DDHD2: variants seen among roughly 807,000 people sequenced by gnomAD.
DDHD2 encodes DDHD domain containing 2.
A neutral mutation model predicts 91.2 loss-of-function variants in DDHD2; 62 were observed. That is an observed-to-expected ratio of 0.68 (90% confidence interval 0.55 to 0.84). DDHD2 has a LOEUF of 0.84. Among genes scored for constraint, DDHD2 ranks in the 40% least tolerant of loss-of-function variants. The probability of loss-of-function intolerance (pLI) is 0.00; values close to 1 mark genes in which losing one functional copy is unlikely to be tolerated. For synonymous variants in DDHD2, 271 were observed against 293.9 expected, an observed-to-expected ratio of 0.92 and a Z score of 0.80; for missense variants, 740 against 846.9, an observed-to-expected ratio of 0.87 and a Z score of 1.57.
intron 6 of DDHD2, among the ~76,000 whole-genome samples, chr8:38,241,029 C>A (rs574004856): frequency 6.0e-5 from 9 of 150,244 alleles, no homozygotes; most frequent in African/African-American, 2.2e-4. Flanking sequence ...CGAGATCGGG[C>A]CACTGCACTC....
At chr8:38,242,676 A>G (rs967785424) in intron 7 of DDHD2, among the ~76,000 whole-genome samples, 7 of 152,128 alleles carry the variant, frequency 4.6e-5, no homozygotes, top group African/African-American at 1.4e-4. Flanking sequence ...AACCATTTCC[A>G]TCTTCAGATG....
At chr8:38,259,388 T>G (rs1262183961) in intron 16 of DDHD2, among the ~76,000 whole-genome samples, 1 of 138,854 alleles carries the variant, frequency 7.2e-6, no homozygotes, top group Non-Finnish European at 1.6e-5. Flanking sequence ...GCCTGGCTAG[T>G]TTTTTTTTTT....
In DDHD2 at chr8:38,237,625, A is replaced by G. The variant is rs1335392886; in HGVS notation, c.499A>G (p.Lys167Glu). Reference sequence around the variant, plus strand: ...AGAAATTATTATTTTACACAATCCAAAGGTAAAACAAAGCATTTCTCTTGT... The same window carrying G: ...AGAAATTATTATTTTACACAATCCAGAGGTAAAACAAAGCATTTCTCTTGT... ...NREIIILHNPKLMVHYQPVAG... is the reference protein window; with the variant it reads ...NREIIILHNPELMVHYQPVAG... Residue 167 changes from lysine to glutamate, a missense_variant and splice_region_variant, in exon 4 of 18, where the codon AAG becomes GAG. Coordinates refer to ENST00000397166, the MANE Select transcript of DDHD2 (RefSeq NM_015214.3). The G allele has an allele frequency of 1.3e-6, 2 of 1,517,862 alleles. No homozygotes were observed. The highest frequency in any genetic ancestry group is 1.2e-5 in the South Asian group (1 of 83,014). The allele number at this position is 1,517,862 out of a possible 1,614,324, so 94.0% of individuals were successfully genotyped here.
chr8:38,234,440 T>G lies in DDHD2; in HGVS notation c.267T>G (p.Tyr89Ter). Reference sequence around the variant, plus strand: ...TTGTTCCTACTGATGGGGGCAGATATGATGTTCATTTGGGGGAGAGGATGC... The same window carrying G: ...TTGTTCCTACTGATGGGGGCAGATAGGATGTTCATTTGGGGGAGAGGATGC... ...GRVVPTDGGR[Y>*]DVHLGERMRY... The change falls in exon 3 of 18, where the codon TAT becomes TAG. Residue 89 changes from tyrosine (Y) to a stop codon, truncating the protein, a stop_gained. Coordinates refer to ENST00000397166, the MANE Select transcript of DDHD2 (RefSeq NM_015214.3). LOFTEE classifies it high-confidence loss of function. 6.2e-7 allele frequency: 1 copy of G among 1,611,148 alleles called. No homozygotes were observed. The highest frequency in any genetic ancestry group is 1.3e-5 in the African/African-American group (1 of 74,860).
At chr8:38,263,313 G>A, downstream of DDHD2, 1 of 857,752 alleles carries the variant, frequency 1.2e-6, no homozygotes, top group South Asian at 5.3e-5. Flanking sequence ...TGAAGAAGGG[G>A]CAGAAAAAGA....
chr8:38,266,162 CA>C (rs747442250), downstream of DDHD2: 1 of 1,613,940 alleles, frequency 6.2e-7, no homozygotes, highest in South Asian at 1.1e-5. Flanking sequence ...TGCTTGTAGT[CA>C]CATGTGCGGG....
rs946237781 is a variant in DDHD2, at chr8:38,245,818, T to C, written c.925T>C (p.Phe309Leu). ...CAATGACACAATTCTGGATGTCTTCTTCTACAATAGTCCCACCTACTGTCA... is the reference window on the plus strand; with the variant it reads ...CAATGACACAATTCTGGATGTCTTCCTCTACAATAGTCCCACCTACTGTCA... ...FTNDTILDVF[F>L]YNSPTYCQTI... Residue 309 changes from phenylalanine (F) to leucine (L), a missense_variant, in exon 8 of 18, where the codon TTC (phenylalanine) becomes CTC (leucine). By Grantham distance (22) the Phe-to-Leu change is conservative. Around this residue, in one of 2 missense-constraint regions of DDHD2, gnomAD observed 693 missense variants for 764.2 expected, o/e 0.91. Coordinates refer to ENST00000397166, the MANE Select transcript of DDHD2 (RefSeq NM_015214.3). 1.2e-6 allele frequency: 2 copies of C among 1,614,222 alleles called. No individual in the cohort carries two copies. Among genetic ancestry groups the C allele is most frequent in the Admixed American group, 3.3e-5 (2 of 60,024 alleles).
At chr8:38,256,459 T>G (rs117994849) in intron 16 of DDHD2, among the ~76,000 whole-genome samples, 2,187 of 152,264 alleles carry the variant, frequency 0.014, 37 homozygotes, top group Non-Finnish European at 0.022. Flanking sequence ...AAGCTGGGAC[T>G]GCAGGCATGT....
rs746443161 is a variant in DDHD2 at position 38,253,686 on chromosome 8, T to C, written c.2022T>C (p.Tyr674=). 2.5e-6 allele frequency: 4 copies of C among 1,614,004 alleles called. No homozygotes were observed. The highest frequency in any genetic ancestry group is 3.3e-5 in the Admixed American group (2 of 59,986). Residue 674 remains tyrosine (Y), a synonymous_variant, in exon 16 of 18, where the codon TAT becomes TAC. Coordinates refer to ENST00000397166, the MANE Select transcript of DDHD2 (RefSeq NM_015214.3). ...AGCCTATTGAAAGTTTTAATGAGTA[T>C]TTATTTGCTTTACAAAGCCATCTAT... ...QEKPIESFNE[Y]LFALQSHLCY... is the part of the protein sequence containing the mutation.
chr8:38,244,148 A>G (rs750581703), intron 7 of DDHD2, among the ~76,000 whole-genome samples: 1 of 151,938 alleles, frequency 6.6e-6, no homozygotes, highest in South Asian at 2.1e-4. Context: ...GGCTTTTACC[A>G]TGTTGGCCAA....
intron 16 of DDHD2, among the ~76,000 whole-genome samples, chr8:38,254,330 T>C (rs1428856473): frequency 2.0e-5 from 3 of 152,164 alleles, no homozygotes; most frequent in Admixed American, 2.0e-4. Flanking sequence ...GGAAGTCTTA[T>C]AGCAAACCCA....
At chr8:38,273,082 TGCA>T, downstream of DDHD2, 1 of 152,044 alleles carries the variant, frequency 6.6e-6, no homozygotes, top group Non-Finnish European at 1.5e-5. Context: ...CAGGCTGGAG[TGCA>T]GTGATGTGAT....
intron 16 of DDHD2, among the ~76,000 whole-genome samples, chr8:38,259,634 T>C (rs1806818515): frequency 1.3e-5 from 2 of 152,128 alleles, no homozygotes; most frequent in Admixed American, 1.3e-4. Context: ...TCCACCCACC[T>C]TGGCCTCCCA....
chr8:38,233,628 T>C (rs567985877), intron 2 of DDHD2, among the ~76,000 whole-genome samples: 1 of 151,900 alleles, frequency 6.6e-6, no homozygotes, highest in South Asian at 2.1e-4. Context: ...TTTTACTTTG[T>C]TTTATAAAGA....
At chr8:38,246,368 A>G (rs1805636243) in intron 9 of DDHD2, 68 bp downstream of exon 9, 12 of 1,294,722 alleles carry the variant, frequency 9.3e-6, no homozygotes, top group Non-Finnish European at 1.3e-5. Context: ...TTTTAGACTT[A>G]TTTTTTGTTT....
intron 1 of DDHD2, chr8:38,232,199 C>T (rs975003419): frequency 3.3e-5 from 5 of 153,106 alleles, no homozygotes; most frequent in Admixed American, 2.6e-4. Context: ...TCTGCCGTCC[C>T]GCCGGGCCCG....
chr8:38,265,857 AAG>A (rs1389848700), downstream of DDHD2, among the ~76,000 whole-genome samples: 1 of 152,220 alleles, frequency 6.6e-6, no homozygotes, highest in Non-Finnish European at 1.5e-5. Flanking sequence ...CCTGATTTTT[AAG>A]AGAGTAAATT....
intron 13 of DDHD2, 70 bp downstream of exon 13, chr8:38,252,357 CTGTTG>C (rs1334055734): frequency 1.3e-5 from 20 of 1,510,058 alleles, no homozygotes; most frequent in Non-Finnish European, 1.7e-5. Context: ...ATAGGATTTT[CTGTTG>C]TGTTGATTTT....
intron 3 of DDHD2, among the ~76,000 whole-genome samples, chr8:38,236,303 C>T (rs530916867): frequency 9.9e-5 from 15 of 151,934 alleles, no homozygotes; most frequent in African/African-American, 2.9e-4. Context: ...TGAGCCACCA[C>T]GCCCAGCCTT....
Sources: gnomAD v4.1 joint callset for allele counts (sites outside exome capture counted in the v4.1 genomes callset) on GRCh38, gnomAD v4.1.1 for gene constraint, gnomAD v4.1.1 regional missense constraint, MANE v1.5 for transcripts, NCBI Gene and HGNC (gene_info 2026-07-23, HGNC 2026-07-21) for gene names.